The following LRRC31 variants were observed in gnomAD, a reference collection of about 807,000 sequenced individuals.
LRRC31 encodes the protein leucine-rich repeat-containing protein 31.
A neutral mutation model predicts 46.7 loss-of-function variants in LRRC31; 35 were observed. That is an observed-to-expected ratio of 0.75 (90% confidence interval 0.57 to 0.99). The LOEUF (loss-of-function observed/expected upper bound fraction) is 0.99. Ranked by LOEUF, LRRC31 falls within the 50% of genes least tolerant of loss-of-function variation. The probability of loss-of-function intolerance (pLI) is 0.00; values close to 1 mark genes in which losing one functional copy is unlikely to be tolerated. For missense variants in LRRC31, 613 were observed against 626.1 expected, an observed-to-expected ratio of 0.98 and a Z score of 0.22; for synonymous variants, 236 against 235.1, an observed-to-expected ratio of 1.00 and a Z score of -0.03.
intron 1 of LRRC31, among the ~76,000 whole-genome samples, chr3:169,867,662 C>T (rs1781373445): frequency 6.6e-6 from 1 of 152,152 alleles, no homozygotes; most frequent in South Asian, 2.1e-4. Flanking sequence ...CATGAAACAC[C>T]ATGCCCAACT....
At chr3:169,855,805 A>G (rs1780921790) in intron 5 of LRRC31, among the ~76,000 whole-genome samples, 3 of 152,196 alleles carry the variant, frequency 2.0e-5, no homozygotes, top group Non-Finnish European at 2.9e-5. Flanking sequence ...AACCTAAAAT[A>G]TACTGGCCTT....
chr3:169,845,602 G>T (rs146065357), intron 8 of LRRC31, among the ~76,000 whole-genome samples: 1 of 152,144 alleles, frequency 6.6e-6, no homozygotes, highest in African/African-American at 2.4e-5. Flanking sequence ...CAAATCAATG[G>T]AGAATGGATA....
chr3:169,843,476 T>C (rs1341461411), intron 8 of LRRC31, among the ~76,000 whole-genome samples: 1 of 152,216 alleles, frequency 6.6e-6, no homozygotes, highest in African/African-American at 2.4e-5. Flanking sequence ...GTCAGACTTC[T>C]TACCTACAGA....
intron 8 of LRRC31, among the ~76,000 whole-genome samples, chr3:169,844,563 A>G (rs190870939): frequency 1.4e-3 from 216 of 152,312 alleles, no homozygotes; most frequent in Admixed American, 5.6e-3. Flanking sequence ...CTCTCATCTC[A>G]TTCAACATCT....
intron 5 of LRRC31, among the ~76,000 whole-genome samples, chr3:169,855,339 C>T (rs1000894334): frequency 6.6e-6 from 1 of 152,132 alleles, no homozygotes; most frequent in Non-Finnish European, 1.5e-5. Context: ...GTTGAGGGAA[C>T]ACACTGTGTT....
chr3:169,856,674 C>CTTTTTTTT, intron 4 of LRRC31, 31 bp downstream of exon 4: 1 of 1,272,998 alleles, frequency 7.9e-7, no homozygotes, highest in Non-Finnish European at 1.1e-6. Context: ...GGCATCTTCA[C>CTTTTTTTT]TTTTTTTTTT....
At chr3:169,857,119 ATTG>A (rs1258828234) in intron 3 of LRRC31, among the ~76,000 whole-genome samples, 12 of 151,632 alleles carry the variant, frequency 7.9e-5, no homozygotes, top group Non-Finnish European at 1.5e-4. Flanking sequence ...GAGCTAAACA[ATTG>A]TTGTTGTAGA....
chr3:169,849,240 A>T (rs1331752652), intron 7 of LRRC31, among the ~76,000 whole-genome samples: 4 of 150,866 alleles, frequency 2.7e-5, no homozygotes, highest in African/African-American at 7.3e-5. Flanking sequence ...TAGTAAGAAA[A>T]TCCTTACAGA....
At position 169,848,096 on chromosome 3, in the gene LRRC31, G is replaced by T. The variant is rs201142957; in HGVS notation, c.1327+24C>A. ...ACCCACTGCTCTGTTTGCCAAGACC[G>T]CTTGGGAACAAGTAGATACACACCC... On this transcript the variant is annotated intron_variant, in intron 8 of 8. Transcript: ENST00000316428. 7.5e-6 allele frequency: 12 copies of T among 1,599,936 alleles called. No homozygotes were observed. In the Admixed American group the frequency reaches 1.7e-4, roughly 22 times the overall value.
At chr3:169,859,695 TTTGTTTAATGTTTCAAAATGTGGG>T (rs1407078425) in intron 3 of LRRC31, among the ~76,000 whole-genome samples, 1 of 152,232 alleles carries the variant, frequency 6.6e-6, no homozygotes, top group African/African-American at 2.4e-5. Context: ...AAAATCTTGT[TTTGTTTAATGTTTCAAAATGTGGG>T]TGGGAAAATA....
At chr3:169,852,178 C>CA (rs1780797989) in intron 6 of LRRC31, among the ~76,000 whole-genome samples, 1 of 150,906 alleles carries the variant, frequency 6.6e-6, no homozygotes, top group Non-Finnish European at 1.5e-5. Context: ...GCGGGTGGAT[C>CA]ACGAGGTCAG....
At position 169,860,167 on chromosome 3, in the gene LRRC31, T is replaced by C. The variant is rs188482637; in HGVS notation, c.487+394A>G. ...TCAAAAAAATAAAAATAAAAATAAA[T>C]AAATAAATAAACTCCATGAAAGCAG... is the stretch of plus-strand genomic sequence containing the variant. On this transcript the variant is annotated intron_variant, in intron 3 of 8. Transcript: ENST00000316428. Among the ~76,000 whole-genome samples the C allele has an allele frequency of 4.2e-3, 638 of 151,678 alleles. 2 individuals carry two copies. Among genetic ancestry groups the C allele is most frequent in the Non-Finnish European group, 6.7e-3 (453 of 67,894 alleles).
At chr3:169,853,359 G>A (rs1213615288) in intron 6 of LRRC31, 1 of 985,276 alleles carries the variant, frequency 1.0e-6, no homozygotes, top group African/African-American at 1.7e-5. Context: ...TTAAGCAGAA[G>A]GAAAGCAATG....
At chr3:169,842,825 TGAA>T (rs1403847279) in intron 8 of LRRC31, among the ~76,000 whole-genome samples, 1 of 152,016 alleles carries the variant, frequency 6.6e-6, no homozygotes, top group Non-Finnish European at 1.5e-5. Flanking sequence ...AAGACCGAAA[TGAA>T]GAAGCAAATT....
Position 169,866,949 on chromosome 3 carries a change from G to A in LRRC31, c.175+2684C>T, listed in dbSNP as rs189707840. 3.3e-5 allele frequency among the ~76,000 whole-genome samples: 5 copies of A among 150,892 alleles called. No homozygotes were observed. The East Asian group carries it at 7.8e-4, about 24-fold the overall frequency. Reference sequence around the variant, plus strand: ...TGCACTCCAGACTGGGTGACGGTGCGAAACTCTGTCTCAAAAAGAAAGAAA... The same window carrying A: ...TGCACTCCAGACTGGGTGACGGTGCAAAACTCTGTCTCAAAAAGAAAGAAA... On this transcript the variant is annotated intron_variant, in intron 1 of 8. Coordinates refer to ENST00000316428, the MANE Select transcript of LRRC31 (RefSeq NM_024727.4).
At chr3:169,857,318 CTATATATA>C (rs34162537) in intron 3 of LRRC31, among the ~76,000 whole-genome samples, 11 of 66,460 alleles carry the variant, frequency 1.7e-4, no homozygotes, top group East Asian at 7.5e-4. Context: ...TATCACATGC[CTATATATA>C]TATATATATA....
chr3:169,839,888 C>G lies in LRRC31; in HGVS notation c.*94G>C, dbSNP rs1780393948. 2 of 845,818 alleles carry G rather than the reference C, an allele frequency of 2.4e-6. No individual in the cohort carries two copies. Among genetic ancestry groups the G allele is most frequent in the South Asian group, 3.7e-5 (2 of 53,490 alleles). 52.4% of individuals were successfully genotyped at this position (845,818 alleles called of 1,614,324 possible). On this transcript the variant is annotated 3_prime_UTR_variant, in exon 9 of 9. Transcript: ENST00000316428. ...GTAATATAAGTCCCATTAAATGGCC[C>G]AGAAGTTGAAATTCAGTTCATGACT...
At chr3:169,845,526 GA>G (rs1357375021) in intron 8 of LRRC31, among the ~76,000 whole-genome samples, 1 of 152,184 alleles carries the variant, frequency 6.6e-6, no homozygotes. Flanking sequence ...CAATAGAACA[GA>G]ACTGAGAGAC....
At chr3:169,840,457 G>T in intron 8 of LRRC31, 144 bp from the exon 9 acceptor site, 1 of 865,452 alleles carries the variant, frequency 1.2e-6, no homozygotes, top group Non-Finnish European at 1.8e-6. Context: ...CTTTATTCAG[G>T]ACATCTGAAA....
Sources: allele counts gnomAD v4.1 joint callset (sites outside exome capture counted in the v4.1 genomes callset), GRCh38; gene constraint gnomAD v4.1.1; transcripts MANE v1.5; gene names NCBI Gene and HGNC (gene_info 2026-07-23, HGNC 2026-07-21).